Variants in TEAD1 observed in about 807,000 individuals in gnomAD.
TEAD1 encodes the protein transcriptional enhancer factor TEF-1.
Under a neutral mutation model 54.9 loss-of-function variants are expected in TEAD1, and 9 were observed. The observed-to-expected ratio is 0.16, with a 90% CI of 0.10 to 0.29. TEAD1 has a LOEUF of 0.29. Among genes scored for constraint, TEAD1 ranks in the 10% least tolerant of loss-of-function variants. The probability of loss-of-function intolerance (pLI) is 1.00; values close to 1 mark genes in which losing one functional copy is unlikely to be tolerated. For missense variants in TEAD1, 387 were observed against 535.9 expected (o/e 0.72, Z 2.74); for synonymous variants, 200 against 187.8 (o/e 1.07, Z -0.53).
intron 10 of TEAD1, among the ~76,000 whole-genome samples, chr11:12,905,462 A>G (rs1476028528): frequency 1.3e-5 from 2 of 152,224 alleles, no homozygotes; most frequent in Non-Finnish European, 2.9e-5. Flanking sequence ...GTTGTTAGGA[A>G]TATTTAACCT....
At chr11:12,690,739 C>G (rs1295749097) in intron 2 of TEAD1, among the ~76,000 whole-genome samples, 4 of 152,122 alleles carry the variant, frequency 2.6e-5, no homozygotes, top group Non-Finnish European at 5.9e-5. Flanking sequence ...TTTTTGCAAA[C>G]TGGTGGTTCT....
rs1439082839 is a variant in TEAD1, at chr11:12,938,133, T to C, written c.*911T>C. ...CTTGTGTGTGCAGTTATATTTTATA[T>C]GGACGACCAAATTTTTTATTAAGAT... On this transcript the variant is annotated 3_prime_UTR_variant, in exon 13 of 13. Coordinates refer to ENST00000527636, the MANE Select transcript of TEAD1 (RefSeq NM_021961.6). The C allele has an allele frequency of 6.5e-6, 1 of 152,676 alleles. No homozygotes were observed. The highest frequency in any genetic ancestry group is 1.5e-5 in the Non-Finnish European group (1 of 68,040). 9.5% of individuals were successfully genotyped at this position (152,676 alleles called of 1,614,324 possible). A position where few individuals can be genotyped will look rare whatever the true frequency, so the allele number is the denominator to read the frequency against.
rs397842274 is a variant in TEAD1, at chr11:12,814,777, C to CTGTGTGTG, written c.203-47417_203-47410dup. 9.1e-4 allele frequency among the ~76,000 whole-genome samples: 97 copies of CTGTGTGTG among 106,210 alleles called. 1 individual carries two copies. Among genetic ancestry groups the CTGTGTGTG allele is most frequent in the African/African-American group, 2.6e-3 (76 of 29,404 alleles). 69.7% of individuals were successfully genotyped at this position (106,210 alleles called of 152,430 possible). On this transcript the variant is annotated intron_variant, in intron 3 of 12. Transcript: ENST00000527636. ...AGCCACCCCTGACCATCGCAGAGCT[C>CTGTGTGTG]TGTGTGTGTGTGTGTGTGTGTGTGT...
At chr11:12,869,273 G>A (rs1947689303) in intron 5 of TEAD1, among the ~76,000 whole-genome samples, 1 of 152,160 alleles carries the variant, frequency 6.6e-6, no homozygotes, top group African/African-American at 2.4e-5. Flanking sequence ...TAATTCCTGG[G>A]CTGCTTTAAG....
At chr11:12,840,211 C>T (rs1421616586) in intron 3 of TEAD1, among the ~76,000 whole-genome samples, 1 of 142,622 alleles carries the variant, frequency 7.0e-6, no homozygotes, top group African/African-American at 2.7e-5. Flanking sequence ...CGCGCCACTG[C>T]ACTCCAGCCT....
chr11:12,942,584 C>T lies in TEAD1; in HGVS notation c.*5362C>T, dbSNP rs1419929618. 2.6e-5 allele frequency: 4 copies of T among 152,216 alleles called. No individual in the cohort carries two copies. The highest frequency in any genetic ancestry group is 2.6e-4 in the Admixed American group (4 of 15,278). The allele number at this position is 152,216 out of a possible 1,614,324, so 9.4% of individuals were successfully genotyped here. ...GGTGGACAGATACTACAGCTTTCTC[C>T]TCCTCCTTGTGTTCGTGTTCAGTCT... is the stretch of plus-strand genomic sequence containing the variant. On this transcript the variant is annotated 3_prime_UTR_variant, in exon 13 of 13. Coordinates refer to ENST00000527636, the MANE Select transcript of TEAD1 (RefSeq NM_021961.6).
chr11:12,888,101 T>G (rs1401310210), intron 9 of TEAD1, among the ~76,000 whole-genome samples: 1 of 152,246 alleles, frequency 6.6e-6, no homozygotes. Flanking sequence ...TTTATTGAGC[T>G]CTGTGAGGTA....
In TEAD1 at chr11:12,764,221, C is replaced by T. The variant is rs1208359173; in HGVS notation, c.-12C>T. 2.5e-6 allele frequency: 4 copies of T among 1,611,808 alleles called. No individual in the cohort carries two copies. Among genetic ancestry groups the T allele is most frequent in the South Asian group, 2.2e-5 (2 of 90,710 alleles). On this transcript the variant is annotated 5_prime_UTR_variant, in exon 3 of 13. Transcript: ENST00000527636. Reference sequence around the variant, plus strand: ...GGCTCCAGGCTTCGGCTTGGAAAATCCCACCGCCAAAATTGAGCCCAGCAG... The same window carrying T: ...GGCTCCAGGCTTCGGCTTGGAAAATTCCACCGCCAAAATTGAGCCCAGCAG...
intron 3 of TEAD1, among the ~76,000 whole-genome samples, chr11:12,807,350 T>C (rs562712683): frequency 6.6e-6 from 1 of 152,314 alleles, no homozygotes; most frequent in South Asian, 2.1e-4. Context: ...AAAATGTCTT[T>C]GTGTTGTAAC....
intron 10 of TEAD1, among the ~76,000 whole-genome samples, chr11:12,906,555 A>AAAAG (rs1198542839): frequency 2.1e-5 from 3 of 142,080 alleles, no homozygotes; most frequent in Admixed American, 6.9e-5. Context: ...AAAAAAAAAA[A>AAAAG]AAAGAAAGAA....
intron 2 of TEAD1, among the ~76,000 whole-genome samples, chr11:12,728,903 C>T (rs997344198): frequency 1.3e-5 from 2 of 152,156 alleles, no homozygotes; most frequent in Non-Finnish European, 2.9e-5. Flanking sequence ...GTGCCCAAAC[C>T]ATTGGACCAT....
chr11:12,780,742 G>T (rs1005944256), intron 3 of TEAD1, among the ~76,000 whole-genome samples: 1 of 152,106 alleles, frequency 6.6e-6, no homozygotes, highest in Admixed American at 6.6e-5. Context: ...TGTGTTCATG[G>T]GTTGGAAGAC....
intron 9 of TEAD1, among the ~76,000 whole-genome samples, chr11:12,890,830 C>A (rs1948184041): frequency 6.6e-6 from 1 of 152,124 alleles, no homozygotes; most frequent in Non-Finnish European, 1.5e-5. Flanking sequence ...AGTGGCACAA[C>A]CTTGGCTCAC....
chr11:12,781,951 C>CAAAAAAAAAAAAAAAAAAAAAAAA (rs71454001), intron 3 of TEAD1, among the ~76,000 whole-genome samples: 1 of 65,418 alleles, frequency 1.5e-5, no homozygotes, highest in Non-Finnish European at 2.6e-5. Context: ...CTCGTCTGTA[C>CAAAAAAAAAAAAAAAAAAAAAAAA]AAAAAAAAAA....
At chr11:12,878,446 C>T (rs546191211) in intron 5 of TEAD1, among the ~76,000 whole-genome samples, 1 of 152,194 alleles carries the variant, frequency 6.6e-6, no homozygotes, top group Admixed American at 6.5e-5. Context: ...TTTGATGTCA[C>T]CATTTTGTTT....
At chr11:12,722,411 A>G (rs1944226032) in intron 2 of TEAD1, among the ~76,000 whole-genome samples, 1 of 152,192 alleles carries the variant, frequency 6.6e-6, no homozygotes, top group Non-Finnish European at 1.5e-5. Flanking sequence ...AACCTCATGC[A>G]GGCAGCCTTG....
intron 2 of TEAD1, among the ~76,000 whole-genome samples, chr11:12,704,008 T>G (rs1483511125): frequency 6.6e-6 from 1 of 152,166 alleles, no homozygotes; most frequent in Admixed American, 6.5e-5. Flanking sequence ...AAAAACAGCA[T>G]GGATTTTAGA....
intron 2 of TEAD1, among the ~76,000 whole-genome samples, chr11:12,700,383 C>T (rs944093516): frequency 3.9e-5 from 6 of 152,200 alleles, no homozygotes; most frequent in Admixed American, 6.5e-5. Flanking sequence ...AACCTGTGTG[C>T]ACTTTATGGA....
chr11:12,756,572 A>G (rs915488463), intron 2 of TEAD1, among the ~76,000 whole-genome samples: 14 of 152,338 alleles, frequency 9.2e-5, no homozygotes, highest in Non-Finnish European at 1.8e-4. Flanking sequence ...CACAGCGGTG[A>G]GTCAGGATCA....
Sources: gnomAD v4.1 joint callset for allele counts (sites outside exome capture counted in the v4.1 genomes callset) on GRCh38, gnomAD v4.1.1 for gene constraint, MANE v1.5 for transcripts, NCBI Gene and HGNC (gene_info 2026-07-23, HGNC 2026-07-21) for gene names.